The following DPP10 variants were observed in gnomAD, a reference collection of about 807,000 sequenced individuals.
DPP10 encodes the protein dipeptidyl peptidase like 10.
In DPP10, 33 loss-of-function variants were observed where a neutral mutation model predicts 120.9. That is an observed-to-expected ratio of 0.27 (90% CI 0.21 to 0.37). The LOEUF (loss-of-function observed/expected upper bound fraction) is 0.37, where lower values mean the gene tolerates loss of function less well. Among genes scored for constraint, DPP10 ranks in the 10% least tolerant of loss-of-function variants. The pLI is 1.00. For synonymous variants in DPP10, 337 were observed against 326.1 expected (o/e 1.03, Z -0.36); for missense variants, 816 against 942.8 (o/e 0.87, Z 1.76).
chr2:115,083,889 G>A (rs922618219), intron 1 of DPP10, among the ~76,000 whole-genome samples: 3 of 152,106 alleles, frequency 2.0e-5, no homozygotes, highest in Admixed American at 6.6e-5. Flanking sequence ...TTAACAAAGC[G>A]GGACAGTAGT....
chr2:114,451,132 A>G (rs1245956094), intron 1 of DPP10, among the ~76,000 whole-genome samples: 1 of 151,918 alleles, frequency 6.6e-6, no homozygotes, highest in African/African-American at 2.4e-5. Context: ...TAGGACAGAG[A>G]GACAATGCAA....
chr2:114,888,091 C>T (rs1328146351), intron 1 of DPP10, among the ~76,000 whole-genome samples: 2 of 147,792 alleles, frequency 1.4e-5, no homozygotes, highest in South Asian at 2.1e-4. Context: ...TGCAGTGAGC[C>T]GAGGTCGTGC....
At chr2:114,826,633 T>A (rs1686567095) in intron 1 of DPP10, among the ~76,000 whole-genome samples, 1 of 152,050 alleles carries the variant, frequency 6.6e-6, no homozygotes. Context: ...CAGGTTCAAG[T>A]GATTCTTCTG....
At chr2:114,474,068 C>T (rs557871940) in intron 1 of DPP10, among the ~76,000 whole-genome samples, 5 of 152,268 alleles carry the variant, frequency 3.3e-5, no homozygotes, top group South Asian at 2.1e-4. Flanking sequence ...AGCTATTCTC[C>T]CGCCTCAGCC....
At chr2:115,476,997 G>A (rs2075129294) in intron 3 of DPP10, among the ~76,000 whole-genome samples, 1 of 151,946 alleles carries the variant, frequency 6.6e-6, no homozygotes, top group African/African-American at 2.4e-5. Context: ...AACAAACTAG[G>A]AATAAAAGAA....
intron 1 of DPP10, among the ~76,000 whole-genome samples, chr2:114,591,986 T>C (rs574711198): frequency 6.6e-6 from 1 of 151,942 alleles, no homozygotes; most frequent in South Asian, 2.1e-4. Flanking sequence ...ACTAGAGACT[T>C]GAAACATACT....
chr2:115,471,213 G>A (rs2074694679), intron 3 of DPP10, among the ~76,000 whole-genome samples: 1 of 152,230 alleles, frequency 6.6e-6, no homozygotes, highest in African/African-American at 2.4e-5. Flanking sequence ...TCATAGAAAA[G>A]GATAATTCAC....
intron 1 of DPP10, among the ~76,000 whole-genome samples, chr2:114,758,431 C>T (rs1359963294): frequency 1.3e-5 from 2 of 152,110 alleles, no homozygotes; most frequent in Non-Finnish European, 2.9e-5. Context: ...TTTTTTCCCT[C>T]GTCTACTTAA....
At position 114,442,750 on chromosome 2, in the gene DPP10, G is replaced by A; in HGVS notation, c.-29G>A. ...CTAGTTCATTCTGGAACTCCGCCTG[G>A]GATTGTGCACTGTCCAGGGTCCTGA... is the stretch of plus-strand genomic sequence containing the variant. On this transcript the variant is annotated 5_prime_UTR_variant, in exon 1 of 26. Coordinates refer to ENST00000410059, the MANE Select transcript of DPP10 (RefSeq NM_020868.6). 6.2e-7 allele frequency: 1 copy of A among 1,612,652 alleles called. No homozygotes were observed. Among genetic ancestry groups the A allele is most frequent in the Non-Finnish European group, 8.5e-7 (1 of 1,179,160 alleles).
At position 115,579,615 on chromosome 2, in the gene DPP10, A is replaced by C. The variant is rs998339767; in HGVS notation, c.441+53643A>C. The C allele has an allele frequency of 3.3e-5, 5 of 152,302 alleles. No homozygotes were observed. The East Asian group carries it at 7.7e-4, about 24-fold the overall frequency. 9.4% of individuals were successfully genotyped at this position (152,302 alleles called of 1,614,324 possible). Reference sequence around the variant, plus strand: ...CCTATGTTTTTTACTTTTTCTTTTAAACCAGTATTTATTTGGAAACAATTT... The same window carrying C: ...CCTATGTTTTTTACTTTTTCTTTTACACCAGTATTTATTTGGAAACAATTT... On this transcript the variant is annotated intron_variant, in intron 5 of 25. Transcript: ENST00000410059.
intron 1 of DPP10, among the ~76,000 whole-genome samples, chr2:114,543,541 A>G (rs1687120232): frequency 6.6e-6 from 1 of 152,124 alleles, no homozygotes; most frequent in Non-Finnish European, 1.5e-5. Context: ...ATAAAGCCAT[A>G]CTTTTTTTGC....
chr2:115,763,360 TG>T (rs1188490701), intron 12 of DPP10, among the ~76,000 whole-genome samples: 2 of 152,150 alleles, frequency 1.3e-5, no homozygotes, highest in Non-Finnish European at 2.9e-5. Context: ...TCCAAATTTA[TG>T]CTTGCCATCT....
intron 1 of DPP10, among the ~76,000 whole-genome samples, chr2:115,266,615 C>T (rs370560688): frequency 6.6e-6 from 1 of 152,092 alleles, no homozygotes; most frequent in East Asian, 1.9e-4. Context: ...ATGTATGTTG[C>T]GTTTATCCCA....
intron 5 of DPP10, among the ~76,000 whole-genome samples, chr2:115,536,242 A>G (rs1392931116): frequency 1.3e-5 from 2 of 151,928 alleles, no homozygotes; most frequent in Non-Finnish European, 2.9e-5. Context: ...TATTTTTTCC[A>G]CTTATAGACA....
intron 1 of DPP10, among the ~76,000 whole-genome samples, chr2:114,472,987 T>C (rs1680053496): frequency 6.6e-6 from 1 of 152,188 alleles, no homozygotes; most frequent in African/African-American, 2.4e-5. Flanking sequence ...TCACTGCCCT[T>C]TGTACATGCA....
At chr2:115,150,543 A>G (rs1368518308) in intron 1 of DPP10, among the ~76,000 whole-genome samples, 1 of 152,192 alleles carries the variant, frequency 6.6e-6, no homozygotes, top group Non-Finnish European at 1.5e-5. Context: ...TGCATATGCT[A>G]TCTCATTCTC....
intron 3 of DPP10, among the ~76,000 whole-genome samples, chr2:115,348,570 A>T (rs2063829057): frequency 6.6e-6 from 1 of 151,860 alleles, no homozygotes; most frequent in Non-Finnish European, 1.5e-5. Context: ...CAACGTTAGC[A>T]CTCTCAGGAT....
chr2:115,067,313 G>A (rs1336151324), intron 1 of DPP10, among the ~76,000 whole-genome samples: 4 of 151,634 alleles, frequency 2.6e-5, no homozygotes, highest in South Asian at 2.1e-4. Flanking sequence ...GTGCGGTGGC[G>A]CCATCTCTGC....
At chr2:115,361,417 A>G (rs2064757216) in intron 3 of DPP10, among the ~76,000 whole-genome samples, 2 of 152,158 alleles carry the variant, frequency 1.3e-5, no homozygotes, top group Admixed American at 6.5e-5. Context: ...CATTGTCGGC[A>G]TGCTCTTGAT....
Sources: gnomAD v4.1 joint callset for allele counts (sites outside exome capture counted in the v4.1 genomes callset) on GRCh38, gnomAD v4.1.1 for gene constraint, MANE v1.5 for transcripts, NCBI Gene and HGNC (gene_info 2026-07-23, HGNC 2026-07-21) for gene names.